The following NRXN3 variants were observed in gnomAD, a reference collection of about 807,000 sequenced individuals.
NRXN3 encodes the protein neurexin III.
NRXN3 carries 32 observed loss-of-function variants against 137.6 expected under a neutral mutation model. That is an observed-to-expected ratio of 0.23 (90% confidence interval 0.18 to 0.31). The LOEUF (loss-of-function observed/expected upper bound fraction) is 0.31, where lower values mean the gene tolerates loss of function less well. Among genes scored for constraint, NRXN3 ranks in the 10% least tolerant of loss-of-function variants. The pLI is 1.00. For missense variants in NRXN3, 1,574 were observed against 2,062.5 expected, an observed-to-expected ratio of 0.76 and a Z score of 4.59; for synonymous variants, 798 against 784.5, an observed-to-expected ratio of 1.02 and a Z score of -0.29.
At chr14:78,719,002 G>T (rs1231493487) in intron 8 of NRXN3, among the ~76,000 whole-genome samples, 2 of 152,180 alleles carry the variant, frequency 1.3e-5, no homozygotes, top group South Asian at 4.1e-4. Context: ...ATGATCACTT[G>T]ACCTGGGACA....
intron 15 of NRXN3, among the ~76,000 whole-genome samples, chr14:79,398,633 A>T (rs1021560002): frequency 3.3e-5 from 5 of 152,082 alleles, no homozygotes; most frequent in African/African-American, 1.2e-4. Context: ...AACCTCTGCC[A>T]TTAAAATAAG....
intron 15 of NRXN3, among the ~76,000 whole-genome samples, chr14:79,436,297 T>A (rs1373182793): frequency 6.6e-6 from 1 of 152,236 alleles, no homozygotes; most frequent in Non-Finnish European, 1.5e-5. Context: ...TTCTTCTTTT[T>A]CTTTTTTCTT....
intron 6 of NRXN3, among the ~76,000 whole-genome samples, chr14:78,678,704 G>A (rs1266050121): frequency 6.6e-6 from 1 of 152,064 alleles, no homozygotes; most frequent in Non-Finnish European, 1.5e-5. Context: ...TATAGTGTAA[G>A]CCAGATTTAC....
At chr14:79,226,281 G>A (rs2070851437) in intron 15 of NRXN3, among the ~76,000 whole-genome samples, 1 of 152,070 alleles carries the variant, frequency 6.6e-6, no homozygotes, top group African/African-American at 2.4e-5. Flanking sequence ...TATAATATGT[G>A]CAATATATTT....
intron 16 of NRXN3, among the ~76,000 whole-genome samples, chr14:79,523,796 A>G (rs1034558615): frequency 6.6e-6 from 1 of 152,260 alleles, no homozygotes; most frequent in Non-Finnish European, 1.5e-5. Flanking sequence ...TTTTAGACCC[A>G]GAGCAGATTA....
intron 15 of NRXN3, chr14:79,247,188 C>T (rs1447155722): frequency 6.6e-6 from 1 of 152,060 alleles, no homozygotes; most frequent in Non-Finnish European, 1.5e-5. Context: ...CTCCCTTCTA[C>T]ACTTTTCATT....
chr14:79,419,321 T>G (rs566554811), intron 15 of NRXN3, among the ~76,000 whole-genome samples: 1 of 152,290 alleles, frequency 6.6e-6, no homozygotes, highest in African/African-American at 2.4e-5. Flanking sequence ...ATAGGAAGAA[T>G]GATCCTAAGA....
At chr14:78,746,604 C>A (rs2098608645) in intron 8 of NRXN3, among the ~76,000 whole-genome samples, 1 of 152,104 alleles carries the variant, frequency 6.6e-6, no homozygotes, top group Non-Finnish European at 1.5e-5. Context: ...TAACAGATGA[C>A]CTTATCTAAT....
rs1214058843 is a variant in NRXN3 at position 78,967,416 on chromosome 14, A to G, written c.2968+18A>G. 2 of 1,596,968 alleles carry G rather than the reference A, an allele frequency of 1.3e-6. No individual in the cohort carries two copies. Among genetic ancestry groups the G allele is most frequent in the East Asian group, 4.5e-5 (2 of 44,430 alleles). On this transcript the variant is annotated intron_variant, in intron 13 of 20. Coordinates refer to ENST00000335750, the MANE Select transcript of NRXN3 (RefSeq NM_001330195.2). Reference sequence around the variant, plus strand: ...TTTGAAAGGTAAACCTTGTAAAGAAATTTAGTTTTTAATAGAGCTTTTCTT... The same window carrying G: ...TTTGAAAGGTAAACCTTGTAAAGAAGTTTAGTTTTTAATAGAGCTTTTCTT...
chr14:78,810,119 A>AT (rs2098902391), intron 9 of NRXN3, among the ~76,000 whole-genome samples, 199 bp from the exon 10 acceptor site: 1 of 151,932 alleles, frequency 6.6e-6, no homozygotes, highest in South Asian at 2.1e-4. Context: ...GTGTGTATAT[A>AT]TATATGTATC....
chr14:79,706,719 C>T (rs1053233897), intron 19 of NRXN3, among the ~76,000 whole-genome samples: 7 of 152,142 alleles, frequency 4.6e-5, no homozygotes, highest in Non-Finnish European at 1.0e-4. Context: ...AAGAATAAAT[C>T]AGTAGTTAAT....
At chr14:79,734,437 TC>T (rs1186343576) in intron 19 of NRXN3, among the ~76,000 whole-genome samples, 1 of 152,170 alleles carries the variant, frequency 6.6e-6, no homozygotes, top group Non-Finnish European at 1.5e-5. Context: ...GTCCATGCAG[TC>T]TCACGTGATA....
At chr14:78,548,213 T>C (rs1412022910) in intron 4 of NRXN3, among the ~76,000 whole-genome samples, 1 of 151,940 alleles carries the variant, frequency 6.6e-6, no homozygotes, top group East Asian at 1.9e-4. Flanking sequence ...TAAACAACTC[T>C]AGTTAAAAAC....
chr14:78,768,887 T>C (rs1349063251), intron 8 of NRXN3, among the ~76,000 whole-genome samples: 2 of 152,260 alleles, frequency 1.3e-5, no homozygotes, highest in East Asian at 3.9e-4. Flanking sequence ...AACTAGAAGC[T>C]CTCCAAACCC....
At chr14:79,806,184 AT>A (rs2099204294) in intron 20 of NRXN3, among the ~76,000 whole-genome samples, 2 of 152,246 alleles carry the variant, frequency 1.3e-5, no homozygotes, top group Admixed American at 1.3e-4. Flanking sequence ...TATTTTTTGC[AT>A]TGCTTTCAGA....
At chr14:79,492,262 A>G (rs1019044914) in intron 16 of NRXN3, among the ~76,000 whole-genome samples, 3 of 152,196 alleles carry the variant, frequency 2.0e-5, no homozygotes, top group Non-Finnish European at 4.4e-5. Context: ...ACATAATTAT[A>G]TGTATCAGTA....
intron 15 of NRXN3, among the ~76,000 whole-genome samples, chr14:79,343,586 T>A (rs777103063): frequency 6.6e-6 from 1 of 152,194 alleles, no homozygotes; most frequent in Non-Finnish European, 1.5e-5. Flanking sequence ...TGCCAGAAGA[T>A]GACCTACCAA....
At chr14:79,770,141 AC>A (rs1382631181) in intron 19 of NRXN3, among the ~76,000 whole-genome samples, 1 of 151,858 alleles carries the variant, frequency 6.6e-6, no homozygotes, top group Non-Finnish European at 1.5e-5. Flanking sequence ...TGAGTGACCT[AC>A]AAAGAGACTT....
At chr14:79,037,062 C>T (rs965023810) in intron 15 of NRXN3, among the ~76,000 whole-genome samples, 7 of 151,988 alleles carry the variant, frequency 4.6e-5, no homozygotes, top group African/African-American at 1.2e-4. Flanking sequence ...TATAATTCAC[C>T]TGGGTTAAAA....
Sources: allele counts gnomAD v4.1 joint callset (sites outside exome capture counted in the v4.1 genomes callset), GRCh38; gene constraint gnomAD v4.1.1; transcripts MANE v1.5; gene names NCBI Gene and HGNC (gene_info 2026-07-23, HGNC 2026-07-21).